The following LRRC63 variants were observed in gnomAD, a reference collection of about 807,000 sequenced individuals.
The protein encoded by LRRC63 is leucine-rich repeat-containing protein 63.
LRRC63 carries 40 observed loss-of-function variants against 49.5 expected under a neutral mutation model. The ratio of observed to expected loss-of-function variants is 0.81; its 90% CI spans 0.63 to 1.05. The LOEUF is 1.05. LRRC63 is among the 50% of genes least tolerant of loss of function. The pLI, the probability that LRRC63 is intolerant of heterozygous loss-of-function variation, is 0.00. For missense variants in LRRC63, 636 were observed against 663.1 expected (o/e 0.96, Z 0.45); for synonymous variants, 191 against 221.1 (o/e 0.86, Z 1.21).
intron 7 of LRRC63, among the ~76,000 whole-genome samples, chr13:46,261,653 A>G (rs1378806522): frequency 6.6e-6 from 1 of 152,232 alleles, no homozygotes; most frequent in Non-Finnish European, 1.5e-5. Context: ...ACAAAAAAGT[A>G]TCTTAGTGAT....
At chr13:46,250,810 G>A (rs923930133) in intron 7 of LRRC63, among the ~76,000 whole-genome samples, 2 of 151,906 alleles carry the variant, frequency 1.3e-5, no homozygotes, top group Admixed American at 6.6e-5. Context: ...TATGGAAAGA[G>A]CACTGAATTT....
intron 7 of LRRC63, among the ~76,000 whole-genome samples, chr13:46,255,825 G>A (rs936454456): frequency 6.6e-6 from 1 of 151,862 alleles, no homozygotes; most frequent in Admixed American, 6.6e-5. Context: ...TCCAAAACAA[G>A]ATATGGGGTA....
intron 2 of LRRC63, among the ~76,000 whole-genome samples, chr13:46,223,918 T>C (rs985473994): frequency 6.6e-6 from 1 of 152,092 alleles, no homozygotes; most frequent in African/African-American, 2.4e-5. Flanking sequence ...CCAAATCCAC[T>C]GTTAGTCTGA....
rs2047285339 is a variant in LRRC63 at position 46,248,608 on chromosome 13, A to G, written c.1090-1747A>G. ...GAACTTTATAAACAAATGTTTATTT[A>G]GTAACAGAGCCCCAAAGTATATGAA... On this transcript the variant is annotated intron_variant, in intron 6 of 9. Coordinates refer to ENST00000595396, the Ensembl canonical transcript of LRRC63. Among the ~76,000 whole-genome samples the G allele has an allele frequency of 2.0e-5, 3 of 152,144 alleles. No individual in the cohort carries two copies. The South Asian group carries it at 6.2e-4, about 31-fold the overall frequency.
chr13:46,265,706 C>T (rs916266831), intron 8 of LRRC63, among the ~76,000 whole-genome samples: 1 of 152,182 alleles, frequency 6.6e-6, no homozygotes, highest in Non-Finnish European at 1.5e-5. Context: ...CAGACCAGAG[C>T]AGGGCTCTCT....
exon 6 of LRRC63, chr13:46,246,622 A>T: frequency 7.2e-7 from 1 of 1,390,676 alleles, no homozygotes; most frequent in African/African-American, 1.5e-5. Flanking sequence ...ACTTTCCCAC[A>T]GAAGTGAGTC....
chr13:46,271,230 A>G (rs1186419185), intron 9 of LRRC63, among the ~76,000 whole-genome samples: 2 of 152,198 alleles, frequency 1.3e-5, no homozygotes, highest in Non-Finnish European at 2.9e-5. Context: ...TAACTGTACT[A>G]CATTTTAACC....
At chr13:46,247,882 C>T (rs533173726) in intron 6 of LRRC63, among the ~76,000 whole-genome samples, 2 of 152,140 alleles carry the variant, frequency 1.3e-5, no homozygotes, top group South Asian at 2.1e-4. Context: ...ACTTGGTCTT[C>T]TTCTCTAAGA....
chr13:46,255,970 T>A (rs2047501856), intron 7 of LRRC63, among the ~76,000 whole-genome samples: 1 of 152,188 alleles, frequency 6.6e-6, no homozygotes, highest in East Asian at 1.9e-4. Flanking sequence ...AACAAATGAT[T>A]TTTTGAGTGT....
chr13:46,276,830 ATATATATATATATATATATATT>A (rs1336592183), exon 10 of LRRC63: 4 of 114,190 alleles, frequency 3.5e-5, no homozygotes, highest in Admixed American at 9.2e-5. Context: ...ATGTGTGTGT[ATATATATATATATATATATATT>A]TATATATATA....
intron 9 of LRRC63, among the ~76,000 whole-genome samples, chr13:46,271,205 A>G (rs2047753800): frequency 6.6e-6 from 1 of 152,196 alleles, no homozygotes; most frequent in South Asian, 2.1e-4. Context: ...CCGATCCCCC[A>G]TGTAAACCAA....
chr13:46,262,266 T>C (rs908724545), intron 8 of LRRC63, among the ~76,000 whole-genome samples: 2 of 152,156 alleles, frequency 1.3e-5, no homozygotes, highest in Non-Finnish European at 2.9e-5. Context: ...GTGGCTCTTA[T>C]TATGTTTCAT....
intron 8 of LRRC63, among the ~76,000 whole-genome samples, chr13:46,265,626 C>A (rs1012859857): frequency 1.3e-5 from 2 of 152,194 alleles, no homozygotes; most frequent in Non-Finnish European, 2.9e-5. Context: ...CTCCTAAAGG[C>A]CCCACCTCCA....
At chr13:46,269,886 G>A (rs1205054150) in intron 9 of LRRC63, among the ~76,000 whole-genome samples, 1 of 135,862 alleles carries the variant, frequency 7.4e-6, no homozygotes, top group African/African-American at 2.6e-5. Flanking sequence ...CTACTGTATA[G>A]ATATAGTAGA....
chr13:46,221,027 T>G (rs1214953641), intron 2 of LRRC63, among the ~76,000 whole-genome samples: 1 of 152,222 alleles, frequency 6.6e-6, no homozygotes, highest in Non-Finnish European at 1.5e-5. Flanking sequence ...GCACCACTTA[T>G]TATAACTGTT....
chr13:46,227,800 C>A (rs765994946), exon 3 of LRRC63: 1 of 1,550,114 alleles, frequency 6.5e-7, no homozygotes, highest in South Asian at 1.2e-5. Context: ...GGGAAACAAA[C>A]AAACAAAATG....
exon 9 of LRRC63, chr13:46,266,935 G>A: frequency 6.5e-7 from 1 of 1,546,550 alleles, no homozygotes; most frequent in Non-Finnish European, 8.7e-7. Flanking sequence ...TAAATTTTAT[G>A]ATAAGATCCC....
intron 4 of LRRC63, among the ~76,000 whole-genome samples, chr13:46,230,405 T>A (rs1302059706): frequency 6.6e-6 from 1 of 152,166 alleles, no homozygotes. Context: ...TAAAGTCCCA[T>A]GATAGACCGT....
intron 9 of LRRC63, among the ~76,000 whole-genome samples, chr13:46,267,668 G>A (rs1594098827): frequency 6.6e-6 from 1 of 152,166 alleles, no homozygotes; most frequent in East Asian, 1.9e-4. Flanking sequence ...AAATTGAACA[G>A]TGGTTAAAAA....
Sources: allele counts gnomAD v4.1 joint callset (sites outside exome capture counted in the v4.1 genomes callset), GRCh38; gene constraint gnomAD v4.1.1; transcripts MANE v1.5; gene names NCBI Gene and HGNC (gene_info 2026-07-23, HGNC 2026-07-21).